Variants in IGSF11 observed in about 807,000 individuals in gnomAD.
IGSF11 encodes the protein immunoglobulin superfamily member 11, also known as CXADR like 1.
In IGSF11, 22 loss-of-function variants were observed where a neutral mutation model predicts 41.0. That is an observed-to-expected ratio of 0.54 (90% CI 0.38 to 0.77). IGSF11 has a LOEUF of 0.77. Among genes scored for constraint, IGSF11 ranks in the 30% least tolerant of loss-of-function variants. The pLI, the probability that IGSF11 is intolerant of heterozygous loss-of-function variation, is 0.00. For missense variants in IGSF11, 444 were observed against 530.8 expected, an observed-to-expected ratio of 0.84 and a Z score of 1.61; for synonymous variants, 219 against 201.3, an observed-to-expected ratio of 1.09 and a Z score of -0.74.
intron 4 of IGSF11, among the ~76,000 whole-genome samples, chr3:118,923,979 C>G (rs1942070358): frequency 6.6e-6 from 1 of 152,108 alleles, no homozygotes; most frequent in Non-Finnish European, 1.5e-5. Flanking sequence ...TGGGGACATA[C>G]TTTGTAACTA....
Position 118,902,077 on chromosome 3 carries a change from G to C in IGSF11, c.*443C>G, listed in dbSNP as rs1314672890. 6.1e-6 allele frequency: 1 copy of C among 163,628 alleles called. No homozygotes were observed. Among genetic ancestry groups the C allele is most frequent in the East Asian group, 1.7e-4 (1 of 6,016 alleles). 10.1% of individuals were successfully genotyped at this position (163,628 alleles called of 1,614,324 possible). On this transcript the variant is annotated 3_prime_UTR_variant, in exon 7 of 7. Coordinates refer to ENST00000393775, the MANE Select transcript of IGSF11 (RefSeq NM_001015887.3). Reference sequence around the variant, plus strand: ...AAGCCCTCTATATAACGAGGGAATTGGGAGAGACGGAACATATCACAGGGT... The same window carrying C: ...AAGCCCTCTATATAACGAGGGAATTCGGAGAGACGGAACATATCACAGGGT...
chr3:118,955,432 A>G (rs1461956167), intron 1 of IGSF11, among the ~76,000 whole-genome samples: 2 of 152,102 alleles, frequency 1.3e-5, no homozygotes, highest in East Asian at 1.9e-4. Flanking sequence ...GTTATCATCT[A>G]TAATTTTTAT....
chr3:119,115,201 A>G (rs1282840610), intron 1 of IGSF11, among the ~76,000 whole-genome samples: 1 of 152,238 alleles, frequency 6.6e-6, no homozygotes. Flanking sequence ...TAGTGCTGCA[A>G]TAAACATGAA....
intron 3 of IGSF11, among the ~76,000 whole-genome samples, chr3:118,928,072 G>A (rs1942494821): frequency 6.6e-6 from 1 of 152,146 alleles, no homozygotes; most frequent in Non-Finnish European, 1.5e-5. Context: ...AGGACAACAC[G>A]TGCAAGCCAA....
At chr3:118,918,629 A>T (rs1451038492) in intron 4 of IGSF11, among the ~76,000 whole-genome samples, 4 of 125,580 alleles carry the variant, frequency 3.2e-5, no homozygotes, top group African/African-American at 6.5e-5. Context: ...AAATGGAAGA[A>T]CATTCCATGC....
chr3:119,115,372 T>C (rs1393782991), intron 1 of IGSF11, among the ~76,000 whole-genome samples: 2 of 152,214 alleles, frequency 1.3e-5, no homozygotes, highest in African/African-American at 4.8e-5. Flanking sequence ...ACCAACAGGG[T>C]ACAAGGGTTC....
intron 1 of IGSF11, among the ~76,000 whole-genome samples, chr3:119,026,454 G>T (rs571461608): frequency 7.2e-5 from 11 of 152,190 alleles, no homozygotes; most frequent in Non-Finnish European, 1.5e-4. Flanking sequence ...ACTAACAGTA[G>T]AGTTTTATGC....
At chr3:119,020,676 A>G (rs1056766972) in intron 1 of IGSF11, among the ~76,000 whole-genome samples, 4 of 152,226 alleles carry the variant, frequency 2.6e-5, no homozygotes, top group African/African-American at 9.6e-5. Flanking sequence ...CTTACAAACT[A>G]TTGAATACAT....
intron 1 of IGSF11, among the ~76,000 whole-genome samples, chr3:119,125,955 T>G (rs1332177092): frequency 6.6e-6 from 1 of 152,328 alleles, no homozygotes; most frequent in East Asian, 1.9e-4. Context: ...ATCCCAGTCC[T>G]GGAATGCGTG....
At chr3:118,967,696 T>C (rs555781199) in intron 1 of IGSF11, among the ~76,000 whole-genome samples, 4 of 152,218 alleles carry the variant, frequency 2.6e-5, no homozygotes, top group Non-Finnish European at 5.9e-5. Flanking sequence ...CTGTCCATTT[T>C]TCGCATAGTA....
At chr3:119,145,703 G>T in intron 1 of IGSF11, 1 of 157,056 alleles carries the variant, frequency 6.4e-6, no homozygotes, top group Non-Finnish European at 1.4e-5. Context: ...CAAAGGGGAT[G>T]GCAATAGCAA....
chr3:119,105,447 A>C (rs1475683453), upstream of IGSF11, among the ~76,000 whole-genome samples: 1 of 152,124 alleles, frequency 6.6e-6, no homozygotes, highest in East Asian at 1.9e-4. Flanking sequence ...GATTACCCAC[A>C]GTTGTATCAA....
At chr3:119,013,524 C>A (rs753835034) in intron 1 of IGSF11, among the ~76,000 whole-genome samples, 3 of 152,184 alleles carry the variant, frequency 2.0e-5, no homozygotes, top group Non-Finnish European at 4.4e-5. Flanking sequence ...AAATAAGTTT[C>A]CCAATGAATT....
intron 1 of IGSF11, among the ~76,000 whole-genome samples, chr3:119,130,769 A>C (rs1176236064): frequency 6.6e-6 from 1 of 152,146 alleles, no homozygotes; most frequent in East Asian, 1.9e-4. Flanking sequence ...ACTCAGAGAC[A>C]CCTCCCAGTA....
intron 1 of IGSF11, among the ~76,000 whole-genome samples, chr3:119,101,712 T>C (rs2076943079): frequency 6.6e-6 from 1 of 152,232 alleles, no homozygotes; most frequent in Non-Finnish European, 1.5e-5. Flanking sequence ...CATAAACATC[T>C]TTTCATATAC....
At chr3:118,995,139 A>T (rs1936141673) in intron 1 of IGSF11, among the ~76,000 whole-genome samples, 1 of 152,238 alleles carries the variant, frequency 6.6e-6, no homozygotes, top group African/African-American at 2.4e-5. Context: ...TAAGCAGGTG[A>T]ATGAAATTAT....
chr3:119,052,427 C>A (rs1483832337), intron 1 of IGSF11, among the ~76,000 whole-genome samples: 1 of 111,160 alleles, frequency 9.0e-6, no homozygotes, highest in African/African-American at 3.5e-5. Flanking sequence ...AGGAAGCAAG[C>A]AAACAGGAAG....
At chr3:119,034,867 C>T (rs1576706558), upstream of IGSF11, 4 of 1,197,264 alleles carry the variant, frequency 3.3e-6, no homozygotes, top group Admixed American at 4.4e-5. Flanking sequence ...TCGCGCAGTC[C>T]GGGGAGCCAC....
At chr3:119,031,289 G>C (rs1035830992) in intron 1 of IGSF11, among the ~76,000 whole-genome samples, 4 of 121,304 alleles carry the variant, frequency 3.3e-5, no homozygotes, top group Non-Finnish European at 7.3e-5. Flanking sequence ...AACTAACTAA[G>C]TAGTTATGGA....
Sources: allele counts gnomAD v4.1 joint callset (sites outside exome capture counted in the v4.1 genomes callset), GRCh38; gene constraint gnomAD v4.1.1; transcripts MANE v1.5; gene names NCBI Gene and HGNC (gene_info 2026-07-23, HGNC 2026-07-21).